The following RANBP2 variants were observed in gnomAD, a reference collection of about 807,000 sequenced individuals.
RANBP2 encodes RAN binding protein 2.
In RANBP2, 57 loss-of-function variants were observed where a neutral mutation model predicts 303.6. The ratio of observed to expected loss-of-function variants is 0.19; its 90% confidence interval spans 0.15 to 0.23. RANBP2 has a LOEUF of 0.23. Ranked by LOEUF, RANBP2 falls within the 10% of genes least tolerant of loss-of-function variation. The pLI, the probability that RANBP2 is intolerant of heterozygous loss-of-function variation, is 1.00. For synonymous variants in RANBP2, 1,167 were observed against 1,301.5 expected, an observed-to-expected ratio of 0.90 and a Z score of 2.23; for missense variants, 3,138 against 3,780.8, an observed-to-expected ratio of 0.83 and a Z score of 4.46.
chr2:109,383,923 G>C, the RANBP2 span, among the ~76,000 whole-genome samples: 1 of 152,308 alleles, frequency 6.6e-6, no homozygotes, highest in African/African-American at 2.4e-5. Context: ...TCCAGTGTCT[G>C]TTAGGTAGAA....
At chr2:108,995,119 C>T in the RANBP2 span, among the ~76,000 whole-genome samples, 2 of 152,044 alleles carry the variant, frequency 1.3e-5, no homozygotes, top group South Asian at 2.1e-4. Context: ...CATGAGCCAC[C>T]GTGCCCGGCC....
the RANBP2 span, among the ~76,000 whole-genome samples, chr2:109,239,698 G>C: frequency 2.0e-5 from 3 of 152,094 alleles, no homozygotes; most frequent in Non-Finnish European, 2.9e-5. Flanking sequence ...TAGATTTTAG[G>C]GAGGGAGTTG....
the RANBP2 span, among the ~76,000 whole-genome samples, chr2:108,890,646 G>A: frequency 3.5e-4 from 54 of 152,276 alleles, no homozygotes; most frequent in South Asian, 1.2e-3. Flanking sequence ...GTGTCATGGC[G>A]AAAACGCTTG....
the RANBP2 span, among the ~76,000 whole-genome samples, chr2:109,599,259 A>C: frequency 6.6e-6 from 1 of 152,046 alleles, no homozygotes; most frequent in Non-Finnish European, 1.5e-5. Context: ...GGAGTTTGAG[A>C]CCAGCCTGGC....
chr2:109,282,967 C>T, the RANBP2 span, among the ~76,000 whole-genome samples: 1 of 152,170 alleles, frequency 6.6e-6, no homozygotes, highest in African/African-American at 2.4e-5. Context: ...GTTACTCTCC[C>T]TGGGTCCTAC....
chr2:108,898,453 CAG>C, the RANBP2 span, among the ~76,000 whole-genome samples: 2 of 152,150 alleles, frequency 1.3e-5, no homozygotes, highest in Admixed American at 1.3e-4. Context: ...TCTCCTGCCA[CAG>C]AGCTATCAAA....
chr2:109,289,932 C>A, the RANBP2 span, among the ~76,000 whole-genome samples: 4 of 152,154 alleles, frequency 2.6e-5, no homozygotes, highest in African/African-American at 9.7e-5. Context: ...TTCTTAAATC[C>A]AAAGCCTATG....
the RANBP2 span, among the ~76,000 whole-genome samples, chr2:108,828,944 C>T: frequency 6.6e-6 from 1 of 152,196 alleles, no homozygotes; most frequent in East Asian, 1.9e-4. Context: ...CGCCATTGCA[C>T]TCCAGCCCAG....
At chr2:108,982,885 T>C in the RANBP2 span, among the ~76,000 whole-genome samples, 1 of 152,214 alleles carries the variant, frequency 6.6e-6, no homozygotes, top group African/African-American at 2.4e-5. Flanking sequence ...GAACAAGGAC[T>C]GGCCACCCAG....
intron 7 of RANBP2, among the ~76,000 whole-genome samples, chr2:108,742,574 G>A (rs191224005): frequency 6.6e-6 from 1 of 151,702 alleles, no homozygotes. Context: ...AAAGTGCTGG[G>A]ATTACAGGCA....
chr2:109,023,494 G>A, the RANBP2 span, among the ~76,000 whole-genome samples: 8,156 of 152,268 alleles, frequency 0.054, 263 homozygotes, highest in Non-Finnish European at 0.064. Flanking sequence ...TGTTGTTGAC[G>A]TCAGTAGGTA....
the RANBP2 span, chr2:109,128,269 G>A: frequency 2.0e-5 from 3 of 152,264 alleles, no homozygotes; most frequent in African/African-American, 4.8e-5. Flanking sequence ...CCCAGAAGCC[G>A]GGGCGTCGGG....
the RANBP2 span, among the ~76,000 whole-genome samples, chr2:109,210,385 C>T: frequency 5.9e-5 from 9 of 152,212 alleles, no homozygotes; most frequent in South Asian, 2.1e-4. Context: ...AAAGCCTGGT[C>T]TTTTCCGTGC....
At chr2:109,061,088 A>G in the RANBP2 span, among the ~76,000 whole-genome samples, 7 of 151,980 alleles carry the variant, frequency 4.6e-5, no homozygotes, top group African/African-American at 1.7e-4. Context: ...GTGGTTTCAT[A>G]GTGTCCTCTG....
At chr2:109,463,049 T>C in the RANBP2 span, among the ~76,000 whole-genome samples, 1 of 152,236 alleles carries the variant, frequency 6.6e-6, no homozygotes, top group African/African-American at 2.4e-5. Flanking sequence ...CCCTGGGGTC[T>C]TTCCTCAAGA....
At chr2:109,281,684 G>T in the RANBP2 span, among the ~76,000 whole-genome samples, 8 of 152,146 alleles carry the variant, frequency 5.3e-5, no homozygotes, top group African/African-American at 1.9e-4. Context: ...ACAGTTCTTA[G>T]ATTCAGGGTA....
At chr2:109,416,730 A>G in the RANBP2 span, among the ~76,000 whole-genome samples, 5 of 151,936 alleles carry the variant, frequency 3.3e-5, no homozygotes, top group South Asian at 1.0e-3. Flanking sequence ...ACTCTGTCTC[A>G]ATACAACAAC....
the RANBP2 span, among the ~76,000 whole-genome samples, chr2:109,634,431 G>GC: frequency 6.6e-6 from 1 of 152,172 alleles, no homozygotes; most frequent in African/African-American, 2.4e-5. Flanking sequence ...ATCACTGAGG[G>GC]CCAGGAGGCC....
chr2:108,972,401 G>A, the RANBP2 span, among the ~76,000 whole-genome samples: 1 of 152,298 alleles, frequency 6.6e-6, no homozygotes, highest in East Asian at 1.9e-4. Flanking sequence ...CCTTCCTCAC[G>A]GGCCCTGGAG....
Sources: allele counts gnomAD v4.1 joint callset (sites outside exome capture counted in the v4.1 genomes callset), GRCh38; gene constraint gnomAD v4.1.1; transcripts MANE v1.5; gene names NCBI Gene and HGNC (gene_info 2026-07-23, HGNC 2026-07-21).